Variants in PURB observed in about 807,000 individuals in gnomAD.
The protein encoded by PURB is transcriptional regulator protein Pur-beta.
Under a neutral mutation model 21.1 loss-of-function variants are expected in PURB, and 11 were observed. That is an observed-to-expected ratio of 0.52 (90% CI 0.33 to 0.86). The LOEUF (loss-of-function observed/expected upper bound fraction) is 0.86. PURB is among the 40% of genes least tolerant of loss of function. The pLI is 0.02. For synonymous variants in PURB, 246 were observed against 210.8 expected (o/e 1.17, Z -1.45); for missense variants, 357 against 456.5 (o/e 0.78, Z 1.99).
chr7:44,885,087 C>G lies in PURB; in HGVS notation c.262G>C (p.Gly88Arg). The G allele has an allele frequency of 1.3e-6, 2 of 1,575,752 alleles. No homozygotes were observed. Among genetic ancestry groups the G allele is most frequent in the Non-Finnish European group, 1.7e-6 (2 of 1,165,992 alleles). The change falls in exon 1 of 1, where the codon GGC becomes CGC. Residue 88 changes from glycine to arginine, a missense_variant. Gly to Arg is a moderately radical substitution (Grantham distance 125). Coordinates refer to ENST00000395699, the MANE Select transcript of PURB (RefSeq NM_033224.5). ...AVAAEFRDSL[G>R]DFIEHYAQLG... is the part of the protein sequence containing the mutation. ...TGCGCGTAGTGTTCTATGAAGTCGC[C>G]CAGCGAGTCGCGGAACTCGGCGGCC... is the stretch of plus-strand genomic sequence containing the variant.
rs1793836222 is a variant in PURB, at chr7:44,878,875, TTAAA to T, written c.*5531_*5534del. On this transcript the variant is annotated 3_prime_UTR_variant, in exon 1 of 1. Coordinates refer to ENST00000395699, the MANE Select transcript of PURB (RefSeq NM_033224.5). Reference sequence around the variant, plus strand: ...AGACTGAGGGCTGGGAAAGGAGACTTTAAATAGCAAAGTCAGACATATCAAAAGA... The same window carrying T: ...AGACTGAGGGCTGGGAAAGGAGACTTTAGCAAAGTCAGACATATCAAAAGA... 1 of 152,202 alleles carries T rather than the reference TTAAA, an allele frequency of 6.6e-6. No homozygotes were observed. 9.4% of individuals were successfully genotyped at this position (152,202 alleles called of 1,614,324 possible). A position where few individuals can be genotyped will look rare whatever the true frequency, so the allele number is the denominator to read the frequency against.
In PURB at chr7:44,882,794, T is replaced by C. The variant is rs942341849; in HGVS notation, c.*1616A>G. 1 of 152,256 alleles carries C rather than the reference T, an allele frequency of 6.6e-6. No individual in the cohort carries two copies. Among genetic ancestry groups the C allele is most frequent in the African/African-American group, 2.4e-5 (1 of 41,476 alleles). 9.4% of individuals were successfully genotyped at this position (152,256 alleles called of 1,614,324 possible). A position where few individuals can be genotyped will look rare whatever the true frequency, so the allele number is the denominator to read the frequency against. On this transcript the variant is annotated 3_prime_UTR_variant, in exon 1 of 1. Coordinates refer to ENST00000395699, the MANE Select transcript of PURB (RefSeq NM_033224.5). The stretch of plus-strand genomic sequence containing the variant: ...TCACACAAAGAATACCTGAAAACTT[T>C]GGAAAGAACGTTAGCTCCCATTCAA...
chr7:44,882,644 AATAAG>A lies in PURB; in HGVS notation c.*1761_*1765del, dbSNP rs1412722198. 1 of 152,226 alleles carries A rather than the reference AATAAG, an allele frequency of 6.6e-6. No individual in the cohort carries two copies. The highest frequency in any genetic ancestry group is 1.5e-5 in the Non-Finnish European group (1 of 68,042). The allele number at this position is 152,226 out of a possible 1,614,324, so 9.4% of individuals were successfully genotyped here. A position where few individuals can be genotyped will look rare whatever the true frequency, so the allele number is the denominator to read the frequency against. ...GATTGTATAGATTGAATAATACCAA[AATAAG>A]ATAATAAAAAGGATATGCAATAAAT... On this transcript the variant is annotated 3_prime_UTR_variant, in exon 1 of 1. Transcript: ENST00000395699.
chr7:44,876,648 T>C lies in PURB; in HGVS notation c.*7762A>G, dbSNP rs1032840760. ...GTTTTCAGGAAGTGTGATTTCTGAA[T>C]GGGTACTGCACTTCACAGATTTGTT... On this transcript the variant is annotated 3_prime_UTR_variant, in exon 1 of 1. Transcript: ENST00000395699. The C allele has an allele frequency of 2.6e-5, 4 of 152,680 alleles. No homozygotes were observed. The highest frequency in any genetic ancestry group is 1.5e-5 in the Non-Finnish European group (1 of 68,044). 9.5% of individuals were successfully genotyped at this position (152,680 alleles called of 1,614,324 possible). A position where few individuals can be genotyped will look rare whatever the true frequency, so the allele number is the denominator to read the frequency against.
Position 44,884,731 on chromosome 7 carries a change from G to C in PURB, c.618C>G (p.Gly206=). 1 of 1,611,714 alleles carries C rather than the reference G, an allele frequency of 6.2e-7. No homozygotes were observed. Among genetic ancestry groups the C allele is most frequent in the South Asian group, 1.1e-5 (1 of 91,028 alleles). ...GGCCGCCCCCTGGGCCCCCGGCGCC[G>C]CCTCCCGGGCCGCCTGCCAGCTCGT... is the stretch of plus-strand genomic sequence containing the variant. The part of the protein sequence containing the change: ...EDDELAGGPG[G]GAGGPGGGLY... The change falls in exon 1 of 1, where the codon GGC becomes GGG. Residue 206 remains glycine, a synonymous_variant. Transcript: ENST00000395699.
rs1322314056 is a variant in PURB at position 44,882,605 on chromosome 7, A to G, written c.*1805T>C. 2.0e-5 allele frequency: 3 copies of G among 152,230 alleles called. No individual in the cohort carries two copies. Among genetic ancestry groups the G allele is most frequent in the African/African-American group, 7.2e-5 (3 of 41,452 alleles). 9.4% of individuals were successfully genotyped at this position (152,230 alleles called of 1,614,324 possible). A position where few individuals can be genotyped will look rare whatever the true frequency, so the allele number is the denominator to read the frequency against. ...CCTTTTTGTATATTACTCATTTCCC[A>G]ATAAATACAAAAAGATTGTATAGAT... On this transcript the variant is annotated 3_prime_UTR_variant, in exon 1 of 1. Coordinates refer to ENST00000395699, the MANE Select transcript of PURB (RefSeq NM_033224.5).
At position 44,879,508 on chromosome 7, in the gene PURB, G is replaced by C. The variant is rs758916181; in HGVS notation, c.*4902C>G. 1 of 149,400 alleles carries C rather than the reference G, an allele frequency of 6.7e-6. No individual in the cohort carries two copies. Among genetic ancestry groups the C allele is most frequent in the Admixed American group, 6.7e-5 (1 of 14,968 alleles). The allele number at this position is 149,400 out of a possible 1,614,324, so 9.3% of individuals were successfully genotyped here. ...CTGAATGGGAGTTGTAACTCTTTAG[G>C]AAGACAGCTAATTGATTTACAGTAC... On this transcript the variant is annotated 3_prime_UTR_variant, in exon 1 of 1. Transcript: ENST00000395699.
Position 44,880,166 on chromosome 7 carries a change from G to A in PURB, c.*4244C>T, listed in dbSNP as rs1190529041. 1 of 150,288 alleles carries A rather than the reference G, an allele frequency of 6.7e-6. No individual in the cohort carries two copies. The highest frequency in any genetic ancestry group is 2.5e-5 in the African/African-American group (1 of 40,698). The allele number at this position is 150,288 out of a possible 1,614,324, so 9.3% of individuals were successfully genotyped here. A position where few individuals can be genotyped will look rare whatever the true frequency, so the allele number is the denominator to read the frequency against. On this transcript the variant is annotated 3_prime_UTR_variant, in exon 1 of 1. Coordinates refer to ENST00000395699, the MANE Select transcript of PURB (RefSeq NM_033224.5). ...GATAACTCAACTGAATTAACTCCAGGGTCAAAAACATTAACTTTCCCCAAT... is the reference window on the plus strand; with the variant it reads ...GATAACTCAACTGAATTAACTCCAGAGTCAAAAACATTAACTTTCCCCAAT...
In PURB at chr7:44,882,962, G is replaced by T. The variant is rs1430676821; in HGVS notation, c.*1448C>A. 1 of 152,222 alleles carries T rather than the reference G, an allele frequency of 6.6e-6. No individual in the cohort carries two copies. The highest frequency in any genetic ancestry group is 1.5e-5 in the Non-Finnish European group (1 of 68,016). 9.4% of individuals were successfully genotyped at this position (152,222 alleles called of 1,614,324 possible). The stretch of plus-strand genomic sequence containing the variant: ...CTTGAAAACCCCAACTTTTATTCTT[G>T]AAAGACAGCTGGATTAACTGGCAAA... On this transcript the variant is annotated 3_prime_UTR_variant, in exon 1 of 1. Coordinates refer to ENST00000395699, the MANE Select transcript of PURB (RefSeq NM_033224.5).
chr7:44,879,872 T>C lies in PURB; in HGVS notation c.*4538A>G, dbSNP rs969538744. 4 of 152,590 alleles carry C rather than the reference T, an allele frequency of 2.6e-5. No homozygotes were observed. The highest frequency in any genetic ancestry group is 4.8e-5 in the African/African-American group (2 of 41,440). 9.5% of individuals were successfully genotyped at this position (152,590 alleles called of 1,614,324 possible). A position where few individuals can be genotyped will look rare whatever the true frequency, so the allele number is the denominator to read the frequency against. Reference sequence around the variant, plus strand: ...CAAAAAGTGCTTTATCTTTGAGAAATGTCAGGGTTACAATGGAAATATACA... The same window carrying C: ...CAAAAAGTGCTTTATCTTTGAGAAACGTCAGGGTTACAATGGAAATATACA... On this transcript the variant is annotated 3_prime_UTR_variant, in exon 1 of 1. Coordinates refer to ENST00000395699, the MANE Select transcript of PURB (RefSeq NM_033224.5).
rs1289034077 is a variant in PURB, at chr7:44,882,923, T to C, written c.*1487A>G. On this transcript the variant is annotated 3_prime_UTR_variant, in exon 1 of 1. Transcript: ENST00000395699. ...TTCTACTGAAAATCCATTTAAAATA[T>C]AGAAGAGGCGATCCTTGAAAACCCC... The C allele has an allele frequency of 1.3e-5, 2 of 152,234 alleles. No individual in the cohort carries two copies. Among genetic ancestry groups the C allele is most frequent in the Non-Finnish European group, 1.5e-5 (1 of 68,042 alleles). The allele number at this position is 152,234 out of a possible 1,614,324, so 9.4% of individuals were successfully genotyped here.
In PURB at chr7:44,885,303, G is replaced by A. The variant is rs765727113; in HGVS notation, c.46C>T (p.Pro16Ser). The A allele has an allele frequency of 4.3e-6, 6 of 1,392,248 alleles. No individual in the cohort carries two copies. Among genetic ancestry groups the A allele is most frequent in the African/African-American group, 3.0e-5 (2 of 66,642 alleles). The allele number at this position is 1,392,248 out of a possible 1,614,324, so 86.2% of individuals were successfully genotyped here. The change falls in exon 1 of 1, where the codon CCG (proline) becomes TCG (serine). Residue 16 changes from proline to serine, a missense_variant. Coordinates refer to ENST00000395699, the MANE Select transcript of PURB (RefSeq NM_033224.5). The stretch of plus-strand genomic sequence containing the variant: ...CGGGACGCGGGCTGGAACCCGCACG[G>A]CCCACCGCCGCCGCCGCGCTCGCTG... The part of the protein sequence containing the change: ...SGSERGGGGG[P>S]CGFQPASRGG...
rs1451295087 is a variant in PURB, at chr7:44,884,861, G to A, written c.488C>T (p.Pro163Leu). 2 of 1,556,694 alleles carry A rather than the reference G, an allele frequency of 1.3e-6. No homozygotes were observed. The highest frequency in any genetic ancestry group is 1.7e-6 in the Non-Finnish European group (2 of 1,153,536). ...GGGGFGAGPG[P>L]GGLQSGQTIA... ...GGTCTGGCCGCTCTGCAAGCCGCCCGGCCCGGGGCCCGCGCCGAAGCCGCC... is the reference window on the plus strand; with the variant it reads ...GGTCTGGCCGCTCTGCAAGCCGCCCAGCCCGGGGCCCGCGCCGAAGCCGCC... Residue 163 changes from proline to leucine, a missense_variant, in exon 1 of 1, where the codon CCG becomes CTG. Coordinates refer to ENST00000395699, the MANE Select transcript of PURB (RefSeq NM_033224.5).
In PURB at chr7:44,877,224, T is replaced by C. The variant is rs1236930446; in HGVS notation, c.*7186A>G. 1 of 152,444 alleles carries C rather than the reference T, an allele frequency of 6.6e-6. No homozygotes were observed. The highest frequency in any genetic ancestry group is 6.6e-5 in the Admixed American group (1 of 15,256). The allele number at this position is 152,444 out of a possible 1,614,324, so 9.4% of individuals were successfully genotyped here. A position where few individuals can be genotyped will look rare whatever the true frequency, so the allele number is the denominator to read the frequency against. On this transcript the variant is annotated 3_prime_UTR_variant, in exon 1 of 1. Transcript: ENST00000395699. ...TTCCTATAGAACGGAAAGTATGTTA[T>C]CTGGAAACAGAAGACAAATGAATTT...
chr7:44,878,303 T>C lies in PURB; in HGVS notation c.*6107A>G, dbSNP rs911197332. On this transcript the variant is annotated 3_prime_UTR_variant, in exon 1 of 1. Transcript: ENST00000395699. ...CACATTTCATCATACTAAAAAGACA[T>C]AATTAGTTTTCTTACCCATGTCAAT... 7 of 152,232 alleles carry C rather than the reference T, an allele frequency of 4.6e-5. No individual in the cohort carries two copies. Among genetic ancestry groups the C allele is most frequent in the Admixed American group, 4.6e-4 (7 of 15,278 alleles). The allele number at this position is 152,232 out of a possible 1,614,324, so 9.4% of individuals were successfully genotyped here.
Position 44,883,510 on chromosome 7 carries a change from T to C in PURB, c.*900A>G, listed in dbSNP as rs1583745977. ...ATATTTAGAGATCAGGGGAACAACT[T>C]TAGTGAGCAGCAACCAATCCACTCA... On this transcript the variant is annotated 3_prime_UTR_variant, in exon 1 of 1. Transcript: ENST00000395699. 2 of 152,746 alleles carry C rather than the reference T, an allele frequency of 1.3e-5. No individual in the cohort carries two copies. The highest frequency in any genetic ancestry group is 4.8e-5 in the African/African-American group (2 of 41,574). 9.5% of individuals were successfully genotyped at this position (152,746 alleles called of 1,614,324 possible).
chr7:44,884,554 C>T lies in PURB; in HGVS notation c.795G>A (p.Trp265Ter). ...GGCAAAAGGCGCCTCCGAACTTGCCCCAGGCTTTGAAGGGTACGGTGATGG... is the reference window on the plus strand; with the variant it reads ...GGCAAAAGGCGCCTCCGAACTTGCCTCAGGCTTTGAAGGGTACGGTGATGG... Reference protein sequence around the residue: ...RNAITVPFKAWGKFGGAFCRY... With the variant: ...RNAITVPFKA The change falls in exon 1 of 1, where the codon TGG becomes TGA. Residue 265 changes from tryptophan to a stop codon, truncating the protein, a stop_gained. Coordinates refer to ENST00000395699, the MANE Select transcript of PURB (RefSeq NM_033224.5). LOFTEE classifies it high-confidence loss of function. 1 of 1,614,198 alleles carries T rather than the reference C, an allele frequency of 6.2e-7. No individual in the cohort carries two copies. Among genetic ancestry groups the T allele is most frequent in the Non-Finnish European group, 8.5e-7 (1 of 1,180,048 alleles).
At position 44,878,192 on chromosome 7, in the gene PURB, A is replaced by T. The variant is rs1376029668; in HGVS notation, c.*6218T>A. 2 of 152,210 alleles carry T rather than the reference A, an allele frequency of 1.3e-5. No homozygotes were observed. Among genetic ancestry groups the T allele is most frequent in the Admixed American group, 1.3e-4 (2 of 15,284 alleles). 9.4% of individuals were successfully genotyped at this position (152,210 alleles called of 1,614,324 possible). A position where few individuals can be genotyped will look rare whatever the true frequency, so the allele number is the denominator to read the frequency against. On this transcript the variant is annotated 3_prime_UTR_variant, in exon 1 of 1. Transcript: ENST00000395699. ...TGAAGTGTTATTTAAGGTAAGGGGG[A>T]AAAAAGGACAAACTCATGCCTTCTG... is the stretch of plus-strand genomic sequence containing the variant.
At position 44,879,803 on chromosome 7, in the gene PURB, A is replaced by G. The variant is rs1793851948; in HGVS notation, c.*4607T>C. The G allele has an allele frequency of 6.6e-6, 1 of 152,660 alleles. No individual in the cohort carries two copies. Among genetic ancestry groups the G allele is most frequent in the Non-Finnish European group, 1.5e-5 (1 of 68,052 alleles). 9.5% of individuals were successfully genotyped at this position (152,660 alleles called of 1,614,324 possible). Reference sequence around the variant, plus strand: ...AAGCAATTATCTAAGGGAGCCTGAGAAACTATGATCCACATCACACAAAGA... The same window carrying G: ...AAGCAATTATCTAAGGGAGCCTGAGGAACTATGATCCACATCACACAAAGA... On this transcript the variant is annotated 3_prime_UTR_variant, in exon 1 of 1. Coordinates refer to ENST00000395699, the MANE Select transcript of PURB (RefSeq NM_033224.5).
Sources: gnomAD v4.1 joint callset for allele counts on GRCh38, gnomAD v4.1.1 for gene constraint, MANE v1.5 for transcripts, NCBI Gene and HGNC (gene_info 2026-07-23, HGNC 2026-07-21) for gene names.